The following AIRE variants were observed in gnomAD, a reference collection of about 807,000 sequenced individuals.
AIRE encodes autoimmune regulator, also known as autoimmune polyendocrinopathy candidiasis ectodermal dystrophy protein.
A neutral mutation model predicts 62.1 loss-of-function variants in AIRE; 52 were observed. That is an observed-to-expected ratio of 0.84 (90% CI 0.67 to 1.06). AIRE has a LOEUF of 1.06. AIRE is among the 50% of genes least tolerant of loss of function. AIRE has a pLI of 0.00. For missense variants in AIRE, 774 were observed against 755.8 expected (o/e 1.02, Z -0.28); for synonymous variants, 342 against 321.6 (o/e 1.06, Z -0.68).
intron 12 of AIRE, among the ~76,000 whole-genome samples, chr21:44,294,841 C>A (rs78737636): frequency 4.2e-4 from 64 of 152,206 alleles, no homozygotes; most frequent in African/African-American, 1.4e-3. Context: ...CCTGCAGGAG[C>A]AAACCCCCAC....
chr21:44,297,809 C>T lies in AIRE; in HGVS notation c.*82C>T. On this transcript the variant is annotated 3_prime_UTR_variant, in exon 14 of 14. Coordinates refer to ENST00000291582, the MANE Select transcript of AIRE (RefSeq NM_000383.4). This position sits in a 1 kb window ranked among gnomAD's most constrained non-coding sequence, Gnocchi z 4.8. ...TTCCTCAGTCCTGGAAGCCGGCCGG[C>T]TGGGATCAAGAAGGGGACAGCGCCA... 1 of 1,393,506 alleles carries T rather than the reference C, an allele frequency of 7.2e-7. No individual in the cohort carries two copies. The highest frequency in any genetic ancestry group is 1.0e-6 in the Non-Finnish European group (1 of 999,766). 86.3% of individuals were successfully genotyped at this position (1,393,506 alleles called of 1,614,324 possible). A position where few individuals can be genotyped will look rare whatever the true frequency, so the allele number is the denominator to read the frequency against.
intron 12 of AIRE, among the ~76,000 whole-genome samples, chr21:44,295,122 C>T (rs897259341): frequency 1.3e-5 from 2 of 152,178 alleles, no homozygotes; most frequent in South Asian, 2.1e-4. Context: ...TTGCCCTGAC[C>T]GTCCCCAGCA....
chr21:44,290,089 A>C, intron 7 of AIRE, 21 bp downstream of exon 7: 16 of 1,606,016 alleles, frequency 1.0e-5, no homozygotes, highest in Non-Finnish European at 1.4e-5. Context: ...AGACCACAGG[A>C]GAGGCCCCTG....
At position 44,290,075 on chromosome 21, in the gene AIRE, C is replaced by T; in HGVS notation, c.879+7C>T. On this transcript the variant is annotated splice_region_variant and intron_variant, in intron 7 of 13. Transcript: ENST00000291582. ...TGACCCCCAGCTCCACCAGGTAATGCCCTAGACCACAGGAGAGGCCCCTGT... is the reference window on the plus strand; with the variant it reads ...TGACCCCCAGCTCCACCAGGTAATGTCCTAGACCACAGGAGAGGCCCCTGT... 1.2e-6 allele frequency: 2 copies of T among 1,610,812 alleles called. No homozygotes were observed. The highest frequency in any genetic ancestry group is 8.5e-7 in the Non-Finnish European group (1 of 1,178,696).
Position 44,292,403 on chromosome 21 carries a change from T to C in AIRE, c.1095+2T>C, listed in dbSNP as rs760280615. 250 of 1,547,592 alleles carry C rather than the reference T, an allele frequency of 1.6e-4. No homozygotes were observed. Among genetic ancestry groups the C allele is most frequent in the Non-Finnish European group, 2.1e-4 (239 of 1,145,180 alleles). ...CAGGAGCCACCCGTGGAGACCCCGG[T>C]ATGGCCACGCCCCCTCCTAGCCGGG... On this transcript the variant is annotated splice_donor_variant, in intron 9 of 13. Transcript: ENST00000291582. LOFTEE classifies it high-confidence loss of function.
chr21:44,289,726 G>T lies in AIRE; in HGVS notation c.722G>T (p.Ser241Ile), dbSNP rs1260665653. The T allele has an allele frequency of 1.9e-6, 3 of 1,612,856 alleles. No individual in the cohort carries two copies. In the African/African-American group the frequency reaches 4.0e-5, roughly 21 times the overall value. The change falls in exon 6 of 14, where the codon AGT becomes ATT. Residue 241 changes from serine to isoleucine, a missense_variant. Ser to Ile is a moderately radical substitution (Grantham distance 142, BLOSUM62 -2). Coordinates refer to ENST00000291582, the MANE Select transcript of AIRE (RefSeq NM_000383.4). ...CCCAGCAAGTTCGAAGACTCCGGCA[G>T]TGGGAAGAACAAGGCCCGCAGCAGC... ...YTPSKFEDSG[S>I]GKNKARSSSG...
intron 5 of AIRE, chr21:44,288,956 C>G (rs1279823235): frequency 5.9e-6 from 1 of 170,892 alleles, no homozygotes; most frequent in African/African-American, 2.4e-5. Context: ...CCGCTGGTGG[C>G]AGACCCACCG....
In AIRE at chr21:44,297,749, A is replaced by G; in HGVS notation, c.*22A>G. On this transcript the variant is annotated 3_prime_UTR_variant, in exon 14 of 14. Transcript: ENST00000291582. The surrounding 1 kb of genome is among the most constrained non-coding windows in gnomAD (Gnocchi z 4.8). ...CTGACCCCAGATGGCCGGGACATGC[A>G]GCTCTGATGAGAGAGTGCTGAGAAG... 1 of 1,597,134 alleles carries G rather than the reference A, an allele frequency of 6.3e-7. No homozygotes were observed. Among genetic ancestry groups the G allele is most frequent in the Non-Finnish European group, 8.6e-7 (1 of 1,166,196 alleles).
Position 44,293,145 on chromosome 21 carries a change from C to T in AIRE, c.1248C>T (p.Pro416=). The change falls in exon 10 of 14, where the codon CCC becomes CCT. Residue 416 remains proline (P), a synonymous_variant. Transcript: ENST00000291582. ...LPGLDSSALH[P]LLCVGPEGQQ... The stretch of plus-strand genomic sequence containing the variant: ...GGCTGGACTCCTCGGCCCTGCACCC[C>T]CTACTGTGTGTGGGTCCTGAGGGTC... 7 of 1,581,506 alleles carry T rather than the reference C, an allele frequency of 4.4e-6. No homozygotes were observed. Among genetic ancestry groups the T allele is most frequent in the Non-Finnish European group, 6.0e-6 (7 of 1,164,002 alleles).
chr21:44,293,638 A>G (rs1041962598), intron 10 of AIRE, 151 bp from the exon 11 acceptor site: 15 of 1,332,182 alleles, frequency 1.1e-5, no homozygotes, highest in Non-Finnish European at 1.0e-5. Context: ...GCTGTCCTGC[A>G]GCCTGCGTGG....
At position 44,285,878 on chromosome 21, in the gene AIRE, G is replaced by T; in HGVS notation, c.-129G>T. ...GCGGCGCGCGTGGCTCGCAGACCGG[G>T]GAGACGGGCGGGCGCACAGCCGGCG... On this transcript the variant is annotated 5_prime_UTR_variant, in exon 1 of 14. Transcript: ENST00000291582. 1.1e-6 allele frequency: 1 copy of T among 943,320 alleles called. No homozygotes were observed. The highest frequency in any genetic ancestry group is 1.4e-6 in the Non-Finnish European group (1 of 692,478). 58.4% of individuals were successfully genotyped at this position (943,320 alleles called of 1,614,324 possible).
At chr21:44,290,453 G>A (rs2040524783) in intron 7 of AIRE, 3 of 984,600 alleles carry the variant, frequency 3.0e-6, no homozygotes, top group Non-Finnish European at 2.4e-6. Context: ...AAGCAGTGTG[G>A]GGGGTGCCTG....
Position 44,286,611 on chromosome 21 carries a change from C to A in AIRE, c.187C>A (p.Leu63Met), listed in dbSNP as rs1177006409. 1 of 1,612,936 alleles carries A rather than the reference C, an allele frequency of 6.2e-7. No homozygotes were observed. The highest frequency in any genetic ancestry group is 1.3e-5 in the African/African-American group (1 of 75,040). ...EGCPQAFHAL[L>M]SWLLTQDSTA... is the part of the protein sequence containing the mutation. ...CTGCCCCCAGGCCTTCCACGCCCTC[C>A]TGTCCTGGCTGCTGACCCAGGACTC... The change falls in exon 2 of 14, where the codon CTG becomes ATG. Residue 63 changes from leucine (L) to methionine (M), a missense_variant. Physicochemically the swap from Leu to Met is conservative, Grantham distance 15 (BLOSUM62 2). Around this residue, in one of 3 missense-constraint regions of AIRE, gnomAD observed 385 missense variants for 396.0 expected, o/e 0.97. Coordinates refer to ENST00000291582, the MANE Select transcript of AIRE (RefSeq NM_000383.4). This position sits in a 1 kb window ranked among gnomAD's most constrained non-coding sequence, Gnocchi z 6.0.
Position 44,287,602 on chromosome 21 carries a change from C to T in AIRE, c.538+11C>T, listed in dbSNP as rs2040496563. 2 of 1,551,664 alleles carry T rather than the reference C, an allele frequency of 1.3e-6. No individual in the cohort carries two copies. The highest frequency in any genetic ancestry group is 1.7e-6 in the Non-Finnish European group (2 of 1,147,498). On this transcript the variant is annotated intron_variant, in intron 4 of 13. Coordinates refer to ENST00000291582, the MANE Select transcript of AIRE (RefSeq NM_000383.4). The surrounding 1 kb of genome is among the most constrained non-coding windows in gnomAD (Gnocchi z 4.3). ...TTCCACTCGGGAACGGTGAGCGGGG[C>T]CCAGTGGGAGCGCCTCCCTTCTCCC...
chr21:44,290,936 G>A (rs1472264297), intron 7 of AIRE, 159 bp from the exon 8 acceptor site: 2 of 1,612,018 alleles, frequency 1.2e-6, no homozygotes, highest in Non-Finnish European at 1.7e-6. Context: ...AGGTGGTCAG[G>A]GCAGAATTTC....
rs2040493248 is a variant in AIRE at position 44,287,393 on chromosome 21, C to G, written c.464-124C>G. 2 of 745,688 alleles carry G rather than the reference C, an allele frequency of 2.7e-6. No individual in the cohort carries two copies. The highest frequency in any genetic ancestry group is 3.5e-5 in the African/African-American group (2 of 56,384). 46.2% of individuals were successfully genotyped at this position (745,688 alleles called of 1,614,324 possible). ...CCCTTTTACTGATGAGAAACCAGAGCCCGGCAAAGGGACTACCCAGCACTG... is the reference window on the plus strand; with the variant it reads ...CCCTTTTACTGATGAGAAACCAGAGGCCGGCAAAGGGACTACCCAGCACTG... On this transcript the variant is annotated intron_variant, in intron 3 of 13. Coordinates refer to ENST00000291582, the MANE Select transcript of AIRE (RefSeq NM_000383.4). This position sits in a 1 kb window ranked among gnomAD's most constrained non-coding sequence, Gnocchi z 4.3.
In AIRE at chr21:44,290,063, C is replaced by T; in HGVS notation, c.874C>T (p.His292Tyr). Residue 292 changes from histidine to tyrosine, a missense_variant, in exon 7 of 14, where the codon CAC becomes TAC. Physicochemically the swap from His to Tyr is moderately conservative, Grantham distance 83. Around this residue, in one of 3 missense-constraint regions of AIRE, gnomAD observed 385 missense variants for 396.0 expected, o/e 0.97. Transcript: ENST00000291582. ...PLALPSDPQL[H>Y]QKNEDECAVC... is the part of the protein sequence containing the mutation. ...GGCCCTCCCCAGTGACCCCCAGCTC[C>T]ACCAGGTAATGCCCTAGACCACAGG... The T allele has an allele frequency of 6.2e-7, 1 of 1,612,040 alleles. No individual in the cohort carries two copies. The highest frequency in any genetic ancestry group is 8.5e-7 in the Non-Finnish European group (1 of 1,179,604).
chr21:44,296,039 G>C (rs1420669103), intron 12 of AIRE, among the ~76,000 whole-genome samples: 1 of 152,188 alleles, frequency 6.6e-6, no homozygotes, highest in Admixed American at 6.5e-5. Flanking sequence ...TCGGGGGCGG[G>C]GGTGGCATGG....
Position 44,297,012 on chromosome 21 carries a change from C to T in AIRE, c.1566+567C>T, listed in dbSNP as rs1056678022. On this transcript the variant is annotated intron_variant, in intron 13 of 13. Transcript: ENST00000291582. This position sits in a 1 kb window ranked among gnomAD's most constrained non-coding sequence, Gnocchi z 4.8. ...GTTCTCCTCAGTGTCTGATGTGGCA[C>T]CCGGGGGTCCCAGCTGACCATGGGG... Among the ~76,000 whole-genome samples the T allele has an allele frequency of 6.6e-6, 1 of 152,252 alleles. No individual in the cohort carries two copies.
Sources: gnomAD v4.1 joint callset for allele counts (sites outside exome capture counted in the v4.1 genomes callset) on GRCh38, gnomAD v4.1.1 for gene constraint, gnomAD v4.1.1 regional missense constraint, Gnocchi (gnomAD v3.1) non-coding constraint, MANE v1.5 for transcripts, NCBI Gene and HGNC (gene_info 2026-07-23, HGNC 2026-07-21) for gene names.